Variants in ENDOU observed in about 807,000 individuals in gnomAD.
ENDOU encodes uridylate-specific endoribonuclease.
Under a neutral mutation model 54.2 loss-of-function variants are expected in ENDOU, and 49 were observed. The ratio of observed to expected loss-of-function variants is 0.90; its 90% CI spans 0.72 to 1.15. The LOEUF (loss-of-function observed/expected upper bound fraction) is 1.15. ENDOU is among the 50% of genes most tolerant of loss of function. The pLI, the probability that ENDOU is intolerant of heterozygous loss-of-function variation, is 0.00. For synonymous variants in ENDOU, 172 were observed against 190.5 expected (o/e 0.90, Z 0.80); for missense variants, 458 against 511.4 (o/e 0.90, Z 1.01).
intron 1 of ENDOU, among the ~76,000 whole-genome samples, chr12:47,723,619 A>G (rs571127658): frequency 3.3e-5 from 5 of 152,170 alleles, no homozygotes; most frequent in African/African-American, 7.2e-5. Flanking sequence ...TAAGACTTCA[A>G]TATGCCAGAA....
In ENDOU at chr12:47,718,131, C is replaced by T. The variant is rs369895555; in HGVS notation, c.242G>A (p.Ser81Asn). The change falls in exon 3 of 10, where the codon AGC becomes AAC. Residue 81 changes from serine (S) to asparagine (N), a missense_variant and splice_region_variant. Physicochemically the swap from Ser to Asn is conservative, Grantham distance 46 (BLOSUM62 1). Transcript: ENST00000422538. ...LEEETEEALA[S>N]NLYSAPTSCQ... ...CCCCTTTGGGGAGGCAGGCTCACTG[C>T]TGGCGAGGGCCTCTTCTGTCTCTTC... is the stretch of plus-strand genomic sequence containing the variant. 1.2e-5 allele frequency: 19 copies of T among 1,570,616 alleles called. No individual in the cohort carries two copies. The highest frequency in any genetic ancestry group is 8.6e-7 in the Non-Finnish European group (1 of 1,156,224).
chr12:47,712,435 G>A (rs1221678408), intron 8 of ENDOU, 81 bp downstream of exon 8: 1 of 1,084,392 alleles, frequency 9.2e-7, no homozygotes, highest in African/African-American at 1.6e-5. Flanking sequence ...GTCAGGCTGA[G>A]AGGCAAGTCG....
chr12:47,715,010 T>G (rs1295006240), intron 6 of ENDOU, among the ~76,000 whole-genome samples: 7 of 152,238 alleles, frequency 4.6e-5, no homozygotes, highest in Non-Finnish European at 1.0e-4. Context: ...CCAGGCTTTC[T>G]ACTGGGTGCT....
At chr12:47,720,665 T>G (rs1940400498) in intron 2 of ENDOU, 88 bp downstream of exon 2, 14 of 1,427,070 alleles carry the variant, frequency 9.8e-6, no homozygotes, top group Non-Finnish European at 1.3e-5. Flanking sequence ...CCCCTGTGAG[T>G]CCTGAACGCT....
Position 47,716,336 on chromosome 12 carries a change from C to G in ENDOU, c.715G>C (p.Val239Leu), listed in dbSNP as rs148904772. 114 of 1,614,094 alleles carry G rather than the reference C, an allele frequency of 7.1e-5. No homozygotes were observed. The African/African-American group carries it at 1.5e-3, about 21-fold the overall frequency. Residue 239 changes from valine to leucine, a missense_variant, in exon 6 of 10, where the codon GTC becomes CTC. By Grantham distance (32) the Val-to-Leu change is conservative. Coordinates refer to ENST00000422538, the MANE Select transcript of ENDOU (RefSeq NM_001172439.2). ...AGGAAGCTGTAGAGCTCCTTCATGA[C>G]TGCTGTCTTCATGATCTCTCTGAGG... ...AFLREIMKTA[V>L]MKELYSFLHH...
chr12:47,717,080 G>T (rs377424660), intron 4 of ENDOU, 22 bp from the exon 5 acceptor site: 3 of 1,612,432 alleles, frequency 1.9e-6, no homozygotes, highest in African/African-American at 2.7e-5. Flanking sequence ...TGGAAGAGGG[G>T]TGGCCTCAGA....
chr12:47,723,899 T>C (rs1020523725), intron 1 of ENDOU, among the ~76,000 whole-genome samples: 1 of 152,216 alleles, frequency 6.6e-6, no homozygotes, highest in Admixed American at 6.5e-5. Context: ...GACCTGAGGC[T>C]GTCAGTGATT....
rs1037858832 is a variant in ENDOU at position 47,716,350 on chromosome 12, A to T, written c.701T>A (p.Ile234Asn). 5.6e-6 allele frequency: 9 copies of T among 1,614,014 alleles called. No individual in the cohort carries two copies. The highest frequency in any genetic ancestry group is 1.1e-5 in the South Asian group (1 of 91,068). Residue 234 changes from isoleucine (I) to asparagine (N), a missense_variant, in exon 6 of 10, where the codon ATC (isoleucine) becomes AAC (asparagine). Coordinates refer to ENST00000422538, the MANE Select transcript of ENDOU (RefSeq NM_001172439.2). Reference protein sequence around the residue: ...LAEQDAFLREIMKTAVMKELY... With the variant: ...LAEQDAFLRENMKTAVMKELY... ...CTCCTTCATGACTGCTGTCTTCATG[A>T]TCTCTCTGAGGAAGGCGTCCTGCTC...
chr12:47,716,682 A>G (rs888494240), intron 5 of ENDOU, among the ~76,000 whole-genome samples, 183 bp from the exon 6 acceptor site: 1 of 152,174 alleles, frequency 6.6e-6, no homozygotes, highest in African/African-American at 2.4e-5. Flanking sequence ...GTTTTGGAAG[A>G]GCTGTTCTAT....
intron 2 of ENDOU, chr12:47,719,552 T>A (rs1940365398): frequency 6.6e-6 from 1 of 152,150 alleles, no homozygotes; most frequent in African/African-American, 2.4e-5. Flanking sequence ...CCTGTGCTGG[T>A]TCTCGTGATA....
Position 47,716,994 on chromosome 12 carries a change from G to A in ENDOU, c.447C>T (p.Tyr149=). Residue 149 remains tyrosine, a synonymous_variant, in exon 5 of 10, where the codon TAC becomes TAT. Coordinates refer to ENST00000422538, the MANE Select transcript of ENDOU (RefSeq NM_001172439.2). The part of the protein sequence containing the change: ...EEIQSISEKI[Y]RADTNKAQKE... ...TCTGGGCTTTGTTGGTGTCTGCCCT[G>A]TAGATCTTCTCAGAGATGCTCTGAA... 1.2e-6 allele frequency: 2 copies of A among 1,614,028 alleles called. No homozygotes were observed. Among genetic ancestry groups the A allele is most frequent in the Non-Finnish European group, 1.7e-6 (2 of 1,179,890 alleles).
intron 1 of ENDOU, among the ~76,000 whole-genome samples, 178 bp downstream of exon 1, chr12:47,725,181 C>T (rs570289108): frequency 2.2e-4 from 33 of 152,312 alleles, no homozygotes; most frequent in African/African-American, 6.7e-4. Context: ...CAGTCCATTC[C>T]GGGACCAACG....
chr12:47,714,147 A>G (rs1940142067), intron 6 of ENDOU, among the ~76,000 whole-genome samples: 1 of 152,240 alleles, frequency 6.6e-6, no homozygotes, highest in Non-Finnish European at 1.5e-5. Flanking sequence ...GAATCTTCAT[A>G]TAAGCTTGGT....
chr12:47,717,147 C>T (rs1055709394), intron 4 of ENDOU, 89 bp from the exon 5 acceptor site: 17 of 1,148,102 alleles, frequency 1.5e-5, no homozygotes, highest in Non-Finnish European at 2.2e-5. Context: ...CTCCTGGGCA[C>T]CTTCAAGAAG....
intron 8 of ENDOU, among the ~76,000 whole-genome samples, 194 bp downstream of exon 8, chr12:47,712,322 C>T (rs556765223): frequency 6.6e-6 from 1 of 152,282 alleles, no homozygotes; most frequent in Admixed American, 6.5e-5. Flanking sequence ...AGTTCTAGAG[C>T]CTTCACTGTT....
intron 6 of ENDOU, among the ~76,000 whole-genome samples, chr12:47,714,156 G>C (rs1940142453): frequency 6.6e-6 from 1 of 152,204 alleles, no homozygotes. Flanking sequence ...TATAAGCTTG[G>C]TACTAATTAT....
At position 47,710,805 on chromosome 12, in the gene ENDOU, G is replaced by T. The variant is rs1179106706; in HGVS notation, c.1230C>A (p.Thr410=). 1 of 1,610,506 alleles carries T rather than the reference G, an allele frequency of 6.2e-7. No homozygotes were observed. The highest frequency in any genetic ancestry group is 8.5e-7 in the Non-Finnish European group (1 of 1,176,858). ...YIATAYIVSS[T] Reference sequence around the variant, plus strand: ...CCCTTTCTGGCTCGAAGTTCTATTAGGTGGAAGACACTATGTAGGCTGTGG... The same window carrying T: ...CCCTTTCTGGCTCGAAGTTCTATTATGTGGAAGACACTATGTAGGCTGTGG... The change falls in exon 10 of 10, where the codon ACC becomes ACA. Residue 410 remains threonine, a synonymous_variant. Transcript: ENST00000422538.
At position 47,711,630 on chromosome 12, in the gene ENDOU, T is replaced by G. The variant is rs1236015942; in HGVS notation, c.1115+3A>C. 16 of 1,612,802 alleles carry G rather than the reference T, an allele frequency of 9.9e-6. No individual in the cohort carries two copies. In the Admixed American group the frequency reaches 2.5e-4, roughly 25 times the overall value. On this transcript the variant is annotated splice_donor_region_variant and intron_variant, in intron 9 of 9. Coordinates refer to ENST00000422538, the MANE Select transcript of ENDOU (RefSeq NM_001172439.2). ...CCCCAGGCCTGGCTGGCCCCATTCT[T>G]ACACTTTGCCTGGCCTGGCGATGAA... is the stretch of plus-strand genomic sequence containing the variant.
rs751589074 is a variant in ENDOU, at chr12:47,711,777, T to C, written c.973-2A>G. On this transcript the variant is annotated splice_acceptor_variant, in intron 8 of 9. Transcript: ENST00000422538. LOFTEE classifies it high-confidence loss of function. ...CAGCACATCGGGGTAAGAATCCCAC[T>C]GTGGAGGGAAGGGCAGAAAAGGGGG... 1 of 1,613,974 alleles carries C rather than the reference T, an allele frequency of 6.2e-7. No individual in the cohort carries two copies. The highest frequency in any genetic ancestry group is 8.5e-7 in the Non-Finnish European group (1 of 1,179,974).
Sources: gnomAD v4.1 joint callset for allele counts (sites outside exome capture counted in the v4.1 genomes callset) on GRCh38, gnomAD v4.1.1 for gene constraint, MANE v1.5 for transcripts, NCBI Gene and HGNC (gene_info 2026-07-23, HGNC 2026-07-21) for gene names.